The following SSX5 variants were observed in gnomAD, a reference collection of about 807,000 sequenced individuals.
SSX5 encodes the protein SSX family member 5.
A neutral mutation model predicts 14.9 loss-of-function variants in SSX5; 14 were observed. The ratio of observed to expected loss-of-function variants is 0.94; its 90% confidence interval spans 0.62 to 1.47. The LOEUF is 1.47. Among genes scored for constraint, SSX5 ranks in the 40% most tolerant of loss-of-function variants. The pLI is 0.00. For synonymous variants in SSX5, 70 were observed against 55.4 expected (o/e 1.26, Z -1.17); for missense variants, 204 against 154.6 (o/e 1.32, Z -1.70).
rs1251952319 is a variant in SSX5 at position 48,186,399 on chromosome X, T to TGC, written c.*461_*462insGC. On this transcript the variant is annotated 3_prime_UTR_variant, in exon 8 of 8. Coordinates refer to ENST00000347757, the MANE Select transcript of SSX5 (RefSeq NM_175723.2). ...GTGTGTGTGTGTGTGTGTGTGTGTG[T>TGC]GTGTGCGCGCGCGCGCGCATGTGTG... The TGC allele has an allele frequency of 2.2e-3, 508 of 227,407 alleles. 1 individual carries two copies. The highest frequency in any genetic ancestry group is 3.3e-3 in the Non-Finnish European group (420 of 128,479). 18.7% of individuals were successfully genotyped at this position (227,407 alleles called of 1,213,427 possible). A position where few individuals can be genotyped will look rare whatever the true frequency, so the allele number is the denominator to read the frequency against.
chrX:48,187,564 C>A, intron 7 of SSX5, 63 bp downstream of exon 7: 1 of 1,124,521 alleles, frequency 8.9e-7, no homozygotes, highest in East Asian at 3.0e-5. Context: ...AGATGGGATA[C>A]CAGTACCATA....
chrX:48,186,409 C>CGT lies in SSX5; in HGVS notation c.*451_*452insAC, dbSNP rs2059397199. On this transcript the variant is annotated 3_prime_UTR_variant, in exon 8 of 8. Coordinates refer to ENST00000347757, the MANE Select transcript of SSX5 (RefSeq NM_175723.2). ...GTGTGTGTGTGTGTGTGTGTGCGCG[C>CGT]GCGCGCGCATGTGTGTCTGTGTGGC... is the stretch of plus-strand genomic sequence containing the variant. The CGT allele has an allele frequency of 1.4e-4, 37 of 261,993 alleles. No homozygotes were observed. The highest frequency in any genetic ancestry group is 8.2e-4 in the East Asian group (10 of 12,191). The allele number at this position is 261,993 out of a possible 1,213,427, so 21.6% of individuals were successfully genotyped here.
intron 1 of SSX5, among the ~76,000 whole-genome samples, chrX:48,196,245 C>T (rs1424389340): frequency 5.4e-5 from 6 of 111,019 alleles, no homozygotes; most frequent in African/African-American, 2.0e-4. Flanking sequence ...GTCAACATAG[C>T]GAAACAATTT....
Position 48,194,175 on chromosome X carries a change from G to T in SSX5, c.234C>A (p.Asp78Glu). The T allele has an allele frequency of 8.3e-7, 1 of 1,210,746 alleles. No homozygotes were observed. The change falls in exon 4 of 8, where the codon GAC (aspartate) becomes GAA (glutamate). Residue 78 changes from aspartate (D) to glutamate (E), a missense_variant. Coordinates refer to ENST00000347757, the MANE Select transcript of SSX5 (RefSeq NM_175723.2). ...PPFMRNKRVADFQGNDFDNDP... is the reference protein window; with the variant it reads ...PPFMRNKRVAEFQGNDFDNDP... ...CATTATCAAAATCATTCCCCTGGAA[G>T]TCTGCGACCCGTTTATTACGCATGA...
rs781862524 is a variant in SSX5 at position 48,193,387 on chromosome X, T to G, written c.280+742A>C. ...GAAAAGTATGGGGAATAATATTGAG[T>G]CCAGTCGGATCTCAACATTACCCCA... On this transcript the variant is annotated intron_variant, in intron 4 of 7. Coordinates refer to ENST00000347757, the MANE Select transcript of SSX5 (RefSeq NM_175723.2). 7.2e-5 allele frequency among the ~76,000 whole-genome samples: 8 copies of G among 111,035 alleles called. No individual in the cohort carries two copies. The Admixed American group carries it at 7.8e-4, about 11-fold the overall frequency.
Position 48,186,403 on chromosome X carries a change from T to TGTGTGTGTGC in SSX5, c.*457_*458insGCACACACAC, listed in dbSNP as rs1327257757. On this transcript the variant is annotated 3_prime_UTR_variant, in exon 8 of 8. Transcript: ENST00000347757. ...GTGTGTGTGTGTGTGTGTGTGTGTG[T>TGTGTGTGTGC]GCGCGCGCGCGCGCATGTGTGTCTG... is the stretch of plus-strand genomic sequence containing the variant. 1 of 126,230 alleles carries TGTGTGTGTGC rather than the reference T, an allele frequency of 7.9e-6. No homozygotes were observed. The highest frequency in any genetic ancestry group is 1.4e-5 in the Non-Finnish European group (1 of 69,141). 10.4% of individuals were successfully genotyped at this position (126,230 alleles called of 1,213,427 possible).
chrX:48,188,086 A>T (rs1386186786), intron 6 of SSX5, among the ~76,000 whole-genome samples: 1 of 111,171 alleles, frequency 9.0e-6, no homozygotes, highest in Non-Finnish European at 1.9e-5. Flanking sequence ...CCTCATTTTC[A>T]TACTGCTTCA....
chrX:48,190,423 G>A (rs2059415523), intron 5 of SSX5, among the ~76,000 whole-genome samples, 155 bp from the exon 6 acceptor site: 2 of 111,842 alleles, frequency 1.8e-5, no homozygotes, highest in Admixed American at 1.9e-4. Context: ...CCTGGGAGGG[G>A]AGGTTAGATG....
chrX:48,186,852 C>A lies in SSX5; in HGVS notation c.*9G>T, dbSNP rs138476997. 8.3e-7 allele frequency: 1 copy of A among 1,197,971 alleles called. No homozygotes were observed. ...TCATCATGGGCATGTGTCATATCCC[C>A]GAGGCTGAGGCAAGAAGCGAGAAGG... is the stretch of plus-strand genomic sequence containing the variant. On this transcript the variant is annotated 3_prime_UTR_variant, in exon 8 of 8. Transcript: ENST00000347757.
chrX:48,186,794 C>T lies in SSX5; in HGVS notation c.*67G>A. The T allele has an allele frequency of 1.7e-6, 2 of 1,197,783 alleles. No individual in the cohort carries two copies. The highest frequency in any genetic ancestry group is 2.2e-6 in the Non-Finnish European group (2 of 895,037). ...GATGACGAGGGATCCGCAGCCATGCCCATGTTCGTGAAAGGTCACCACGTT... is the reference window on the plus strand; with the variant it reads ...GATGACGAGGGATCCGCAGCCATGCTCATGTTCGTGAAAGGTCACCACGTT... On this transcript the variant is annotated 3_prime_UTR_variant, in exon 8 of 8. Coordinates refer to ENST00000347757, the MANE Select transcript of SSX5 (RefSeq NM_175723.2).
intron 5 of SSX5, among the ~76,000 whole-genome samples, chrX:48,191,690 T>C: frequency 8.9e-6 from 1 of 112,387 alleles, no homozygotes; most frequent in South Asian, 3.7e-4. Context: ...TCATAACAAA[T>C]GCAAATGTGA....
At chrX:48,193,971 A>T (rs1310777965) in intron 4 of SSX5, among the ~76,000 whole-genome samples, 158 bp downstream of exon 4, 3 of 109,742 alleles carry the variant, frequency 2.7e-5, no homozygotes, top group Non-Finnish European at 5.7e-5. Flanking sequence ...TTTTATATGA[A>T]TGGCCTCTGT....
In SSX5 at chrX:48,194,158, A is replaced by G. The variant is rs1556925344; in HGVS notation, c.251T>C (p.Phe84Ser). The G allele has an allele frequency of 2.5e-6, 3 of 1,208,166 alleles. No homozygotes were observed. In the African/African-American group the frequency reaches 5.3e-5, roughly 21 times the overall value. The change falls in exon 4 of 8, where the codon TTT (phenylalanine) becomes TCT (serine). Residue 84 changes from phenylalanine (F) to serine (S), a missense_variant. By Grantham distance (155) the Phe-to-Ser change is radical. Transcript: ENST00000347757. The part of the protein sequence containing the change: ...KRVADFQGND[F>S]DNDPNRGNQV... ...ATTCCCACGGTTAGGGTCATTATCA[A>G]AATCATTCCCCTGGAAGTCTGCGAC...
At chrX:48,190,900 T>A (rs1446147325) in intron 5 of SSX5, among the ~76,000 whole-genome samples, 2 of 109,987 alleles carry the variant, frequency 1.8e-5, no homozygotes, top group African/African-American at 6.6e-5. Context: ...TGACCAACAC[T>A]CTTAAGCTAC....
In SSX5 at chrX:48,188,262, G is replaced by C. The variant is rs375748838; in HGVS notation, c.467-531C>G. ...ATAATTTCTGTTTTTTATTTTTGTG[G>C]GTACACAGTAGGTGTATATACTTAT... On this transcript the variant is annotated intron_variant, in intron 6 of 7. Coordinates refer to ENST00000347757, the MANE Select transcript of SSX5 (RefSeq NM_175723.2). Among the ~76,000 whole-genome samples, 4 of 111,205 alleles carry C rather than the reference G, an allele frequency of 3.6e-5. No homozygotes were observed. In the East Asian group the frequency reaches 1.1e-3, roughly 31 times the overall value.
chrX:48,188,656 G>A (rs1269769166), intron 6 of SSX5, among the ~76,000 whole-genome samples: 1 of 111,695 alleles, frequency 9.0e-6, no homozygotes, highest in African/African-American at 3.3e-5. Context: ...GCCGCTAAGT[G>A]TTGAAATGAA....
intron 3 of SSX5, 101 bp from the exon 4 acceptor site, chrX:48,194,325 G>T: frequency 2.2e-6 from 2 of 916,898 alleles, no homozygotes; most frequent in Non-Finnish European, 3.2e-6. Flanking sequence ...GAAGCTGGAG[G>T]ATTGCTTGAG....
At chrX:48,187,179 G>A (rs1556923924) in intron 7 of SSX5, among the ~76,000 whole-genome samples, 1 of 111,994 alleles carries the variant, frequency 8.9e-6, no homozygotes, top group African/African-American at 3.2e-5. Flanking sequence ...TGGTTAGGCA[G>A]GCGCAGAGGC....
intron 4 of SSX5, among the ~76,000 whole-genome samples, chrX:48,193,855 C>T (rs1453682960): frequency 1.9e-5 from 2 of 102,698 alleles, no homozygotes; most frequent in African/African-American, 3.6e-5. Flanking sequence ...CACTTACAGC[C>T]AGTCACCTTA....
Sources: allele counts gnomAD v4.1 joint callset (sites outside exome capture counted in the v4.1 genomes callset), GRCh38; gene constraint gnomAD v4.1.1; transcripts MANE v1.5; gene names NCBI Gene and HGNC (gene_info 2026-07-23, HGNC 2026-07-21).